Variants in PARP11 observed in about 807,000 individuals in gnomAD.
PARP11 encodes the protein protein mono-ADP-ribosyltransferase PARP11.
PARP11 carries 31 observed loss-of-function variants against 42.9 expected under a neutral mutation model. The ratio of observed to expected loss-of-function variants is 0.72; its 90% CI spans 0.54 to 0.98. PARP11 has a LOEUF of 0.98. PARP11 is among the 50% of genes least tolerant of loss of function. The probability of loss-of-function intolerance (pLI) is 0.00; values close to 1 mark genes in which losing one functional copy is unlikely to be tolerated. For synonymous variants in PARP11, 137 were observed against 127.3 expected (o/e 1.08, Z -0.51); for missense variants, 365 against 413.1 (o/e 0.88, Z 1.01).
At chr12:3,860,391 A>C (rs1948276081) in intron 1 of PARP11, among the ~76,000 whole-genome samples, 1 of 152,194 alleles carries the variant, frequency 6.6e-6, no homozygotes, top group Admixed American at 6.5e-5. Flanking sequence ...GTTCAACAAA[A>C]GAAGGGACCA....
At chr12:3,862,729 T>TA (rs1948318730) in intron 1 of PARP11, among the ~76,000 whole-genome samples, 1 of 152,066 alleles carries the variant, frequency 6.6e-6, no homozygotes, top group Admixed American at 6.5e-5. Context: ...TCGTACCTTT[T>TA]AAAAAATCAT....
intron 3 of PARP11, among the ~76,000 whole-genome samples, chr12:3,826,705 T>C (rs1169376038): frequency 6.6e-6 from 1 of 152,260 alleles, no homozygotes; most frequent in Admixed American, 6.5e-5. Flanking sequence ...CAAAAATTTC[T>C]ACATTTCCTG....
intron 1 of PARP11, among the ~76,000 whole-genome samples, chr12:3,866,283 C>T (rs1948388062): frequency 6.6e-6 from 1 of 152,102 alleles, no homozygotes; most frequent in South Asian, 2.1e-4. Context: ...TCCAGATCAT[C>T]TTATTTTTTT....
At chr12:3,867,118 A>C (rs1037769488) in intron 1 of PARP11, among the ~76,000 whole-genome samples, 1 of 152,230 alleles carries the variant, frequency 6.6e-6, no homozygotes, top group African/African-American at 2.4e-5. Flanking sequence ...TAAGTTGAAA[A>C]AGGTGCCACA....
rs935424250 is a variant in PARP11, at chr12:3,829,128, G to A, written c.148-98C>T. 3.8e-6 allele frequency: 5 copies of A among 1,322,436 alleles called. No individual in the cohort carries two copies. The African/African-American group carries it at 4.4e-5, about 12-fold the overall frequency. 81.9% of individuals were successfully genotyped at this position (1,322,436 alleles called of 1,614,324 possible). ...GGTCATAGAGACAGGGAATGGAGGG[G>A]CGAGGGAAACTTACTAATCACCTGT... On this transcript the variant is annotated intron_variant, in intron 2 of 7. Transcript: ENST00000228820.
In PARP11 at chr12:3,840,774, G is replaced by C. The variant is rs1481207732; in HGVS notation, c.19-10756C>G. ...AAAGACCCGAACCAAGCATATTGGA[G>C]AATATTACTGATGATAAATATGCAA... On this transcript the variant is annotated intron_variant, in intron 1 of 7. Transcript: ENST00000228820. The surrounding 1 kb of genome is among the most constrained non-coding windows in gnomAD (Gnocchi z 4.4). 4.6e-6 allele frequency: 7 copies of C among 1,536,752 alleles called. No individual in the cohort carries two copies. The East Asian group carries it at 1.1e-4, about 25-fold the overall frequency.
intron 1 of PARP11, among the ~76,000 whole-genome samples, chr12:3,844,582 G>A (rs1201851008): frequency 6.6e-6 from 1 of 152,162 alleles, no homozygotes; most frequent in African/African-American, 2.4e-5. Context: ...TTCTGAAAAT[G>A]TTTAAAAATT....
At chr12:3,830,092 C>G in intron 1 of PARP11, 74 bp from the exon 2 acceptor site, 1 of 1,398,358 alleles carries the variant, frequency 7.2e-7, no homozygotes, top group Non-Finnish European at 1.0e-6. Context: ...GATCATTTTA[C>G]TTCTTTACAA....
chr12:3,845,916 T>C (rs1324276996), intron 1 of PARP11, among the ~76,000 whole-genome samples: 1 of 152,216 alleles, frequency 6.6e-6, no homozygotes, highest in Non-Finnish European at 1.5e-5. Flanking sequence ...TTGAACTTAC[T>C]TGAATGGATT....
rs921883307 is a variant in PARP11, at chr12:3,809,199, C to T, written c.*2924G>A. The T allele has an allele frequency of 6.6e-6, 1 of 152,030 alleles. No individual in the cohort carries two copies. Among genetic ancestry groups the T allele is most frequent in the South Asian group, 2.1e-4 (1 of 4,818 alleles). The allele number at this position is 152,030 out of a possible 1,614,324, so 9.4% of individuals were successfully genotyped here. Reference sequence around the variant, plus strand: ...GGAAAAGATGGCAAATGGTTGTGTCCAGTATTATTATATACTGGTTATATA... The same window carrying T: ...GGAAAAGATGGCAAATGGTTGTGTCTAGTATTATTATATACTGGTTATATA... On this transcript the variant is annotated 3_prime_UTR_variant, in exon 8 of 8. Transcript: ENST00000228820.
rs997978891 is a variant in PARP11 at position 3,872,490 on chromosome 12, C to A, written c.18+722G>T. The A allele has an allele frequency of 2.1e-5, 21 of 983,910 alleles. No homozygotes were observed. The East Asian group carries it at 2.3e-3, about 106-fold the overall frequency. The allele number at this position is 983,910 out of a possible 1,614,324, so 60.9% of individuals were successfully genotyped here. A position where few individuals can be genotyped will look rare whatever the true frequency, so the allele number is the denominator to read the frequency against. On this transcript the variant is annotated intron_variant, in intron 1 of 7. Coordinates refer to ENST00000228820, the MANE Select transcript of PARP11 (RefSeq NM_020367.6). ...TATAAAAGCAAAGTAGACAAAGACACATGAAGTCATAATGAAAATACCAGA... is the reference window on the plus strand; with the variant it reads ...TATAAAAGCAAAGTAGACAAAGACAAATGAAGTCATAATGAAAATACCAGA...
intron 6 of PARP11, among the ~76,000 whole-genome samples, chr12:3,821,088 G>A (rs376791349): frequency 3.3e-5 from 5 of 152,162 alleles, no homozygotes; most frequent in Non-Finnish European, 7.3e-5. Flanking sequence ...AATCTTGATA[G>A]GTGTTGAATC....
intron 1 of PARP11, chr12:3,841,063 T>C: frequency 1.2e-6 from 2 of 1,602,176 alleles, no homozygotes; most frequent in Non-Finnish European, 1.7e-6. Context: ...TTCTGCTGTA[T>C]CCCAAACTCA....
At chr12:3,872,899 C>T (rs954400725) in intron 1 of PARP11, 1 of 574,100 alleles carries the variant, frequency 1.7e-6, no homozygotes, top group Non-Finnish European at 2.2e-6. Context: ...GCACTCCAGC[C>T]TGGACAACAG....
intron 1 of PARP11, among the ~76,000 whole-genome samples, chr12:3,830,466 T>C (rs1947615232): frequency 6.6e-6 from 1 of 152,126 alleles, no homozygotes; most frequent in Admixed American, 6.5e-5. Context: ...GTGTTGAGTG[T>C]AAAAGATTAC....
At chr12:3,822,235 C>A in intron 4 of PARP11, 78 bp from the exon 5 acceptor site, 1 of 1,069,066 alleles carries the variant, frequency 9.4e-7, no homozygotes, top group Non-Finnish European at 1.4e-6. Flanking sequence ...TTCTTCAAAG[C>A]TTAATTTTCA....
chr12:3,833,544 C>T (rs1383328709), intron 1 of PARP11, among the ~76,000 whole-genome samples: 2 of 152,180 alleles, frequency 1.3e-5, no homozygotes, highest in African/African-American at 4.8e-5. Context: ...TTTGAGGCTG[C>T]AGTGAGCTAA....
chr12:3,858,733 T>C (rs553193728), intron 1 of PARP11, among the ~76,000 whole-genome samples: 1 of 152,154 alleles, frequency 6.6e-6, no homozygotes, highest in Non-Finnish European at 1.5e-5. Context: ...TTAGTTATCC[T>C]GAACACATTA....
chr12:3,817,505 G>C, intron 6 of PARP11, among the ~76,000 whole-genome samples: 1 of 152,198 alleles, frequency 6.6e-6, no homozygotes, highest in Non-Finnish European at 1.5e-5. Context: ...TATGACCTTG[G>C]TGTTCCAGAA....
Sources: allele counts gnomAD v4.1 joint callset (sites outside exome capture counted in the v4.1 genomes callset), GRCh38; gene constraint gnomAD v4.1.1; non-coding constraint Gnocchi (gnomAD v3.1); transcripts MANE v1.5; gene names NCBI Gene and HGNC (gene_info 2026-07-23, HGNC 2026-07-21).